GRIA4: variants seen among roughly 807,000 people sequenced by gnomAD.
The protein encoded by GRIA4 is glutamate receptor 4.
A neutral mutation model predicts 104.0 loss-of-function variants in GRIA4; 34 were observed. The ratio of observed to expected loss-of-function variants is 0.33; its 90% CI spans 0.25 to 0.44. The LOEUF (loss-of-function observed/expected upper bound fraction) is 0.44, where lower values mean the gene tolerates loss of function less well. GRIA4 is among the 20% of genes least tolerant of loss of function. The pLI is 1.00. For missense variants in GRIA4, 750 were observed against 1,096.5 expected, an observed-to-expected ratio of 0.68 and a Z score of 4.46; for synonymous variants, 386 against 381.9, an observed-to-expected ratio of 1.01 and a Z score of -0.13.
intron 10 of GRIA4, chr11:105,913,492 T>G (rs1947315044): frequency 1.7e-6 from 1 of 601,964 alleles, no homozygotes; most frequent in Non-Finnish European, 2.1e-6. Context: ...ATCAATAAAA[T>G]TTATAAGACT....
chr11:105,738,888 A>G (rs1939123349), intron 3 of GRIA4, among the ~76,000 whole-genome samples: 1 of 150,122 alleles, frequency 6.7e-6, no homozygotes, highest in African/African-American at 2.5e-5. Context: ...CTTTCTCTAT[A>G]CTTTGTTTCT....
intron 4 of GRIA4, among the ~76,000 whole-genome samples, chr11:105,851,044 A>T (rs943593442): frequency 6.6e-6 from 1 of 152,206 alleles, no homozygotes; most frequent in African/African-American, 2.4e-5. Flanking sequence ...CTGTATCATC[A>T]GTTTCCTTTA....
chr11:105,666,695 G>A (rs183215225), intron 3 of GRIA4, among the ~76,000 whole-genome samples: 15 of 151,912 alleles, frequency 9.9e-5, no homozygotes, highest in Non-Finnish European at 1.5e-4. Flanking sequence ...CTAAATACAC[G>A]TTGTGGTTAA....
intron 10 of GRIA4, among the ~76,000 whole-genome samples, chr11:105,910,793 A>T (rs1270472444): frequency 6.6e-6 from 1 of 152,136 alleles, no homozygotes; most frequent in Non-Finnish European, 1.5e-5. Context: ...AAAAATTGAG[A>T]CTGTCAAACT....
intron 14 of GRIA4, among the ~76,000 whole-genome samples, chr11:105,953,817 A>T (rs924273448): frequency 1.3e-5 from 2 of 152,290 alleles, no homozygotes; most frequent in African/African-American, 4.8e-5. Flanking sequence ...AAACAAATAA[A>T]AAAAAAAGAC....
chr11:105,942,729 T>C lies in GRIA4; in HGVS notation c.2294+8760T>C, dbSNP rs534622181. 4.5e-4 allele frequency among the ~76,000 whole-genome samples: 68 copies of C among 152,210 alleles called. No individual in the cohort carries two copies. In the South Asian group the frequency reaches 0.014, roughly 31 times the overall value. On this transcript the variant is annotated intron_variant, in intron 14 of 16. Transcript: ENST00000282499. ...TGCTGCAGTTTTGGCAACACATAAA[T>C]TCAAGGCATATTGAAAATATCCACA... is the stretch of plus-strand genomic sequence containing the variant.
intron 3 of GRIA4, among the ~76,000 whole-genome samples, chr11:105,652,703 A>G (rs1336489192): frequency 6.6e-6 from 1 of 152,070 alleles, no homozygotes; most frequent in East Asian, 1.9e-4. Context: ...CAGGGTGTTA[A>G]TCAATCAATT....
At chr11:105,639,943 T>A (rs1190287084) in intron 3 of GRIA4, among the ~76,000 whole-genome samples, 1 of 152,014 alleles carries the variant, frequency 6.6e-6, no homozygotes, top group Non-Finnish European at 1.5e-5. Flanking sequence ...AATGAATACA[T>A]GTTTCCTATT....
intron 4 of GRIA4, among the ~76,000 whole-genome samples, chr11:105,837,399 C>T (rs1944233161): frequency 6.6e-6 from 1 of 152,086 alleles, no homozygotes; most frequent in Admixed American, 6.6e-5. Flanking sequence ...AAGACCACAG[C>T]TGGAGTCAAT....
intron 4 of GRIA4, among the ~76,000 whole-genome samples, chr11:105,759,727 A>G: frequency 6.6e-6 from 1 of 151,996 alleles, no homozygotes; most frequent in Non-Finnish European, 1.5e-5. Flanking sequence ...TTCTTGGGTA[A>G]CTCTTATTCA....
In GRIA4 at chr11:105,924,369, A is replaced by G. The variant is rs770324778; in HGVS notation, c.1477-30A>G. On this transcript the variant is annotated intron_variant, in intron 11 of 16. Transcript: ENST00000282499. ...ATTGCTTCATGAAATTCATTAACCTATGTGTCTCCATGTGTTTTTTCTCTT... is the reference window on the plus strand; with the variant it reads ...ATTGCTTCATGAAATTCATTAACCTGTGTGTCTCCATGTGTTTTTTCTCTT... 7.3e-6 allele frequency: 11 copies of G among 1,511,820 alleles called. No individual in the cohort carries two copies. The East Asian group carries it at 2.3e-4, about 31-fold the overall frequency. 93.7% of individuals were successfully genotyped at this position (1,511,820 alleles called of 1,614,324 possible). A position where few individuals can be genotyped will look rare whatever the true frequency, so the allele number is the denominator to read the frequency against.
intron 12 of GRIA4, among the ~76,000 whole-genome samples, chr11:105,925,406 C>T (rs940118409): frequency 1.3e-5 from 2 of 152,096 alleles, no homozygotes; most frequent in African/African-American, 2.4e-5. Context: ...CCATTATATT[C>T]ACCAAAAATG....
rs1946959893 is a variant in GRIA4, at chr11:105,904,118, A to G, written c.1053+137A>G. The stretch of plus-strand genomic sequence containing the variant: ...AAATATATCAAGCCATCATTTTTGG[A>G]ACATTTCTACATAAAATACAAGGTA... On this transcript the variant is annotated intron_variant, in intron 8 of 16. Transcript: ENST00000282499. The G allele has an allele frequency of 4.8e-6, 3 of 631,076 alleles. No homozygotes were observed. The South Asian group carries it at 6.5e-5, about 14-fold the overall frequency. The allele number at this position is 631,076 out of a possible 1,614,324, so 39.1% of individuals were successfully genotyped here.
intron 3 of GRIA4, among the ~76,000 whole-genome samples, chr11:105,703,056 T>C (rs992560474): frequency 1.3e-5 from 2 of 152,132 alleles, no homozygotes; most frequent in Non-Finnish European, 2.9e-5. Flanking sequence ...TAGGCATGGA[T>C]TCTTTTTCAC....
intron 4 of GRIA4, among the ~76,000 whole-genome samples, chr11:105,847,672 T>C (rs1180924229): frequency 2.0e-5 from 3 of 152,208 alleles, no homozygotes; most frequent in African/African-American, 7.2e-5. Flanking sequence ...CCTACCTCCC[T>C]ATGGAAAGTT....
At chr11:105,911,846 C>T (rs1236450594) in intron 10 of GRIA4, 1 of 1,248,236 alleles carries the variant, frequency 8.0e-7, no homozygotes, top group Middle Eastern at 2.1e-4. Flanking sequence ...AATGGAAAGT[C>T]ATACTTCAGT....
At chr11:105,975,781 G>T in intron 16 of GRIA4, among the ~76,000 whole-genome samples, 1 of 151,986 alleles carries the variant, frequency 6.6e-6, no homozygotes. Context: ...TTATTTATAT[G>T]AAAGCTTTTG....
intron 3 of GRIA4, among the ~76,000 whole-genome samples, chr11:105,642,827 A>G (rs994600017): frequency 6.6e-6 from 1 of 152,200 alleles, no homozygotes; most frequent in Non-Finnish European, 1.5e-5. Context: ...TTGTGAAAGT[A>G]TAGCATGATG....
intron 4 of GRIA4, among the ~76,000 whole-genome samples, chr11:105,854,015 G>A (rs977592782): frequency 3.3e-5 from 5 of 152,212 alleles, no homozygotes; most frequent in African/African-American, 9.6e-5. Flanking sequence ...GATCAGTGGA[G>A]TAATTTCTAA....
Sources: gnomAD v4.1 joint callset for allele counts (sites outside exome capture counted in the v4.1 genomes callset) on GRCh38, gnomAD v4.1.1 for gene constraint, MANE v1.5 for transcripts, NCBI Gene and HGNC (gene_info 2026-07-23, HGNC 2026-07-21) for gene names.